Variants in TXNRD1 observed in about 807,000 individuals in gnomAD.
TXNRD1 encodes thioredoxin reductase 1.
Under a neutral mutation model 80.3 loss-of-function variants are expected in TXNRD1, and 57 were observed. The ratio of observed to expected loss-of-function variants is 0.71; its 90% CI spans 0.57 to 0.89. The LOEUF (loss-of-function observed/expected upper bound fraction) is 0.89. Ranked by LOEUF, TXNRD1 falls within the 40% of genes least tolerant of loss-of-function variation. The pLI is 0.00. For missense variants in TXNRD1, 730 were observed against 803.0 expected (o/e 0.91, Z 1.10); for synonymous variants, 291 against 285.2 (o/e 1.02, Z -0.20).
intron 3 of TXNRD1, among the ~76,000 whole-genome samples, chr12:104,263,095 C>T (rs2033403802): frequency 6.6e-6 from 1 of 152,148 alleles, no homozygotes; most frequent in Non-Finnish European, 1.5e-5. Context: ...AAACTCAGAA[C>T]CGGGAGGCCT....
chr12:104,274,305 T>C (rs571695974), intron 3 of TXNRD1, among the ~76,000 whole-genome samples: 1 of 152,264 alleles, frequency 6.6e-6, no homozygotes, highest in African/African-American at 2.4e-5. Flanking sequence ...AGCCATCAAC[T>C]GTCTCGGGCT....
intron 1 of TXNRD1, among the ~76,000 whole-genome samples, chr12:104,237,400 G>A (rs1273125944): frequency 2.6e-5 from 4 of 152,170 alleles, no homozygotes; most frequent in Non-Finnish European, 5.9e-5. Context: ...GAGTTGCCTT[G>A]CAATGAAATG....
rs140725894 is a variant in TXNRD1, at chr12:104,299,369, TA to T, written c.414+10340del. Among the ~76,000 whole-genome samples the T allele has an allele frequency of 1.2e-3, 181 of 146,110 alleles. 1 individual carries two copies. The highest frequency in any genetic ancestry group is 9.3e-3 in the East Asian group (47 of 5,072). ...GGTCTTTTCAGAAACTAATTTTCATTAAAAAAAAAAATACAGATATCTGTCT... is the reference window on the plus strand; with the variant it reads ...GGTCTTTTCAGAAACTAATTTTCATTAAAAAAAAAATACAGATATCTGTCT... On this transcript the variant is annotated intron_variant, in intron 4 of 16. Transcript: ENST00000525566.
intron 1 of TXNRD1, among the ~76,000 whole-genome samples, chr12:104,223,443 A>G (rs11613167): frequency 4.3e-3 from 655 of 152,318 alleles, no homozygotes; most frequent in Middle Eastern, 0.01. Flanking sequence ...TCTTTTATGT[A>G]TAGAGTGAGA....
chr12:104,232,462 C>T (rs2135684733), intron 1 of TXNRD1, among the ~76,000 whole-genome samples: 1 of 152,044 alleles, frequency 6.6e-6, no homozygotes, highest in East Asian at 1.9e-4. Context: ...ACTTGGGAGG[C>T]TAAGGCAGGA....
chr12:104,242,675 A>G (rs1270407039), intron 1 of TXNRD1, among the ~76,000 whole-genome samples: 5 of 152,072 alleles, frequency 3.3e-5, no homozygotes, highest in African/African-American at 9.7e-5. Context: ...GTCCTTCAGT[A>G]CCTCTTCCAC....
chr12:104,227,278 T>C (rs912196636), intron 1 of TXNRD1, among the ~76,000 whole-genome samples: 1 of 152,128 alleles, frequency 6.6e-6, no homozygotes, highest in Non-Finnish European at 1.5e-5. Flanking sequence ...TATTTCTTTT[T>C]GGAGAAAGGG....
At chr12:104,306,372 G>C (rs1160638120) in intron 4 of TXNRD1, among the ~76,000 whole-genome samples, 1 of 152,208 alleles carries the variant, frequency 6.6e-6, no homozygotes, top group Non-Finnish European at 1.5e-5. Flanking sequence ...CATTAAGAAA[G>C]TAACTTGAGA....
At chr12:104,294,273 G>T (rs1460790658) in intron 4 of TXNRD1, among the ~76,000 whole-genome samples, 1 of 144,120 alleles carries the variant, frequency 6.9e-6, no homozygotes, top group African/African-American at 2.6e-5. Flanking sequence ...CTGCTAAGTA[G>T]CGGGTGTTGT....
intron 10 of TXNRD1, among the ~76,000 whole-genome samples, chr12:104,323,590 C>T (rs1593841752): frequency 9.4e-6 from 1 of 106,200 alleles, no homozygotes; most frequent in Non-Finnish European, 1.9e-5. Context: ...CTGACACCCC[C>T]ACCTCCCTCC....
chr12:104,310,243 G>A (rs1274619967), intron 4 of TXNRD1: 21 of 928,686 alleles, frequency 2.3e-5, no homozygotes, highest in South Asian at 7.4e-5. Context: ...TCTGCCTCCC[G>A]GGTTCAAGCG....
At chr12:104,311,515 C>G in intron 5 of TXNRD1, 103 bp downstream of exon 5, 8 of 1,426,700 alleles carry the variant, frequency 5.6e-6, no homozygotes, top group Non-Finnish European at 7.5e-6. Context: ...TTATTTGATC[C>G]ACTCCTGTGA....
intron 2 of TXNRD1, among the ~76,000 whole-genome samples, chr12:104,255,590 G>A (rs1267645979): frequency 6.6e-6 from 1 of 152,030 alleles, no homozygotes; most frequent in Non-Finnish European, 1.5e-5. Context: ...CCTGAGGTCA[G>A]GAGACCAGCC....
intron 3 of TXNRD1, among the ~76,000 whole-genome samples, chr12:104,280,062 C>CAAAAAA (rs34627940): frequency 0.026 from 2,222 of 84,440 alleles, 172 homozygotes; most frequent in African/African-American, 0.099. Context: ...GACTCTGTCT[C>CAAAAAA]AAAAAAAAAA....
At chr12:104,260,478 CA>C (rs11295921) in intron 3 of TXNRD1, among the ~76,000 whole-genome samples, 23,241 of 151,762 alleles carry the variant, frequency 0.15, 2,430 homozygotes, top group African/African-American at 0.29. Context: ...ACAAAACAAA[CA>C]AAAAAAAAAC....
intron 1 of TXNRD1, among the ~76,000 whole-genome samples, chr12:104,226,173 C>T (rs1223963867): frequency 6.6e-6 from 1 of 151,864 alleles, no homozygotes; most frequent in Admixed American, 6.6e-5. Flanking sequence ...GCACTCAAGC[C>T]TGGGCAACAA....
At chr12:104,241,472 G>T (rs1189306616) in intron 1 of TXNRD1, among the ~76,000 whole-genome samples, 2 of 152,108 alleles carry the variant, frequency 1.3e-5, no homozygotes, top group African/African-American at 2.4e-5. Flanking sequence ...CCACGTTGAA[G>T]CGATTCTCCT....
chr12:104,304,792 G>A (rs377581157), intron 4 of TXNRD1: 2 of 1,613,876 alleles, frequency 1.2e-6, no homozygotes, highest in South Asian at 2.2e-5. Context: ...TAGAGCCGAT[G>A]AATGTTAACC....
At chr12:104,324,359 T>C (rs1202434131) in intron 10 of TXNRD1, among the ~76,000 whole-genome samples, 1 of 147,582 alleles carries the variant, frequency 6.8e-6, no homozygotes, top group Admixed American at 6.7e-5. Context: ...TTTCGTTTTT[T>C]TTTTTTTTTT....
Sources: gnomAD v4.1 joint callset for allele counts (sites outside exome capture counted in the v4.1 genomes callset) on GRCh38, gnomAD v4.1.1 for gene constraint, MANE v1.5 for transcripts, NCBI Gene and HGNC (gene_info 2026-07-23, HGNC 2026-07-21) for gene names.